Variants in DGKI observed in about 807,000 individuals in gnomAD.
The protein encoded by DGKI is diacylglycerol kinase iota.
In DGKI, 55 loss-of-function variants were observed where a neutral mutation model predicts 147.5. The ratio of observed to expected loss-of-function variants is 0.37; its 90% CI spans 0.30 to 0.47. The LOEUF is 0.47. Ranked by LOEUF, DGKI falls within the 20% of genes least tolerant of loss-of-function variation. The probability of loss-of-function intolerance (pLI) is 1.00; values close to 1 mark genes in which losing one functional copy is unlikely to be tolerated. For synonymous variants in DGKI, 469 were observed against 477.1 expected, an observed-to-expected ratio of 0.98 and a Z score of 0.22; for missense variants, 1,007 against 1,323.8, an observed-to-expected ratio of 0.76 and a Z score of 3.71.
chr7:137,549,880 T>C (rs1817986935), intron 20 of DGKI, among the ~76,000 whole-genome samples: 1 of 152,356 alleles, frequency 6.6e-6, no homozygotes, highest in East Asian at 1.9e-4. Context: ...TAAGGTTTAG[T>C]AAGCAAACAT....
At chr7:137,696,078 A>G (rs1325794726) in intron 1 of DGKI, among the ~76,000 whole-genome samples, 4 of 152,218 alleles carry the variant, frequency 2.6e-5, no homozygotes, top group African/African-American at 4.8e-5. Flanking sequence ...AGCTAGGTAC[A>G]TGGTAAATCT....
Position 137,846,555 on chromosome 7 carries a change from A to G in DGKI, c.308T>C (p.Leu103Pro), listed in dbSNP as rs1472018230. ...GSAAAAGAAALDEPAAAGQKE... is the reference protein window; with the variant it reads ...GSAAAAGAAAPDEPAAAGQKE... ...CTGGCCGGCGGCCGCGGGCTCGTCCAGGGCAGCGGCCCCCGCCGCCGCGGC... is the reference window on the plus strand; with the variant it reads ...CTGGCCGGCGGCCGCGGGCTCGTCCGGGGCAGCGGCCCCCGCCGCCGCGGC... Residue 103 changes from leucine to proline, a missense_variant, in exon 1 of 33, where the codon CTG becomes CCG. Physicochemically the swap from Leu to Pro is moderately conservative, Grantham distance 98 (BLOSUM62 -3). Coordinates refer to ENST00000614521, the MANE Select transcript of DGKI (RefSeq NM_001321708.2). The surrounding 1 kb of genome is among the most constrained non-coding windows in gnomAD (Gnocchi z 4.0). 1 of 1,468,084 alleles carries G rather than the reference A, an allele frequency of 6.8e-7. No individual in the cohort carries two copies. 90.9% of individuals were successfully genotyped at this position (1,468,084 alleles called of 1,614,324 possible).
chr7:137,740,061 C>G (rs945748267), intron 1 of DGKI, among the ~76,000 whole-genome samples: 2 of 152,170 alleles, frequency 1.3e-5, no homozygotes, highest in Non-Finnish European at 2.9e-5. Flanking sequence ...CAACCTACCA[C>G]TGTATTTCAC....
At chr7:137,394,098 T>C (rs1437459365) in intron 32 of DGKI, among the ~76,000 whole-genome samples, 2 of 152,098 alleles carry the variant, frequency 1.3e-5, no homozygotes, top group African/African-American at 4.8e-5. Context: ...TAAGTGTCTA[T>C]AGGTAAGTGG....
chr7:137,389,535 AG>A lies in DGKI; in HGVS notation c.*1684del, dbSNP rs1358879304. The A allele has an allele frequency of 6.6e-6, 1 of 152,250 alleles. No homozygotes were observed. The highest frequency in any genetic ancestry group is 2.4e-5 in the African/African-American group (1 of 41,476). 9.4% of individuals were successfully genotyped at this position (152,250 alleles called of 1,614,324 possible). On this transcript the variant is annotated 3_prime_UTR_variant, in exon 33 of 33. Coordinates refer to ENST00000614521, the MANE Select transcript of DGKI (RefSeq NM_001321708.2). ...ATTCATGGTCATATGTAGAAACATT[AG>A]GGAAGCACTATGCTATGTCCAAGGA...
At chr7:137,592,447 T>G (rs1819649701) in intron 12 of DGKI, among the ~76,000 whole-genome samples, 1 of 152,238 alleles carries the variant, frequency 6.6e-6, no homozygotes, top group Non-Finnish European at 1.5e-5. Context: ...CAGCAGCAGC[T>G]GGTCAATGCT....
chr7:137,516,593 CTGT>C (rs1250703723), intron 21 of DGKI, among the ~76,000 whole-genome samples: 1 of 151,842 alleles, frequency 6.6e-6, no homozygotes, highest in Non-Finnish European at 1.5e-5. Context: ...GGAACGAATT[CTGT>C]TGTTTTTTTT....
intron 1 of DGKI, among the ~76,000 whole-genome samples, chr7:137,779,858 T>G (rs1259444420): frequency 6.6e-6 from 1 of 152,116 alleles, no homozygotes; most frequent in East Asian, 1.9e-4. Flanking sequence ...TATTTGAAAT[T>G]TATCAGTATA....
chr7:137,723,415 G>A (rs545935127), intron 1 of DGKI, among the ~76,000 whole-genome samples: 5 of 152,148 alleles, frequency 3.3e-5, no homozygotes, highest in African/African-American at 1.2e-4. Context: ...AAAAAGCCAC[G>A]CAAATCAAAA....
chr7:137,745,564 G>A (rs1795299844), intron 1 of DGKI, among the ~76,000 whole-genome samples: 1 of 152,190 alleles, frequency 6.6e-6, no homozygotes, highest in African/African-American at 2.4e-5. Flanking sequence ...TATCCATGCT[G>A]TCAGTGCTAC....
intron 8 of DGKI, 123 bp downstream of exon 8, chr7:137,619,701 G>A: frequency 2.8e-6 from 2 of 722,922 alleles, no homozygotes; most frequent in East Asian, 2.5e-5. Flanking sequence ...GCTAAGCACA[G>A]GGCCTTGGGG....
intron 1 of DGKI, among the ~76,000 whole-genome samples, chr7:137,808,258 G>A (rs1445198340): frequency 1.3e-5 from 2 of 152,116 alleles, no homozygotes; most frequent in Non-Finnish European, 2.9e-5. Context: ...ATGCATCCTG[G>A]AAATTAGTAT....
At chr7:137,621,218 T>C (rs1820735806) in intron 7 of DGKI, among the ~76,000 whole-genome samples, 1 of 152,162 alleles carries the variant, frequency 6.6e-6, no homozygotes, top group Non-Finnish European at 1.5e-5. Flanking sequence ...TGCAAACAAA[T>C]ATACCAGATA....
In DGKI at chr7:137,459,505, C is replaced by T. The variant is rs992156784; in HGVS notation, c.2735+3984G>A. 6.1e-5 allele frequency among the ~76,000 whole-genome samples: 7 copies of T among 114,286 alleles called. No homozygotes were observed. The East Asian group carries it at 1.9e-3, about 32-fold the overall frequency. The allele number at this position is 114,286 out of a possible 152,430, so 75.0% of individuals were successfully genotyped here. On this transcript the variant is annotated intron_variant, in intron 27 of 32. Transcript: ENST00000614521. The stretch of plus-strand genomic sequence containing the variant: ...TTTTTTTTTTTTTTTGAGATGGAGT[C>T]TCGCTGTTGCCCAGGCTGGAGTGCA...
intron 21 of DGKI, among the ~76,000 whole-genome samples, chr7:137,517,673 T>C (rs942814375): frequency 6.6e-6 from 1 of 152,170 alleles, no homozygotes; most frequent in African/African-American, 2.4e-5. Flanking sequence ...GTAACTTTTT[T>C]GTAAATCTAA....
At chr7:137,819,210 C>G (rs1797823425) in intron 1 of DGKI, among the ~76,000 whole-genome samples, 1 of 152,170 alleles carries the variant, frequency 6.6e-6, no homozygotes, top group Non-Finnish European at 1.5e-5. Context: ...TAAACACCTA[C>G]TCACAGACGT....
chr7:137,720,085 T>C (rs932315564), intron 1 of DGKI, among the ~76,000 whole-genome samples: 5 of 152,124 alleles, frequency 3.3e-5, no homozygotes, highest in African/African-American at 1.2e-4. Flanking sequence ...TTGCAGACGA[T>C]TCTCACATGC....
At chr7:137,811,456 A>G (rs1267506148) in intron 1 of DGKI, among the ~76,000 whole-genome samples, 1 of 151,590 alleles carries the variant, frequency 6.6e-6, no homozygotes, top group African/African-American at 2.4e-5. Context: ...ACTTCCCCAA[A>G]GTAATTTTCT....
At chr7:137,564,098 C>T (rs1008629785) in intron 19 of DGKI, among the ~76,000 whole-genome samples, 2 of 152,084 alleles carry the variant, frequency 1.3e-5, no homozygotes, top group African/African-American at 4.8e-5. Context: ...AGAATCTAGA[C>T]ACCAAGCAAA....
Sources: allele counts gnomAD v4.1 joint callset (sites outside exome capture counted in the v4.1 genomes callset), GRCh38; gene constraint gnomAD v4.1.1; non-coding constraint Gnocchi (gnomAD v3.1); transcripts MANE v1.5; gene names NCBI Gene and HGNC (gene_info 2026-07-23, HGNC 2026-07-21).